Variants in MAST2 observed in about 807,000 individuals in gnomAD.
MAST2 encodes the protein microtubule-associated serine/threonine-protein kinase 2.
In MAST2, 70 loss-of-function variants were observed where a neutral mutation model predicts 147.4. The observed-to-expected ratio is 0.47, with a 90% confidence interval of 0.39 to 0.58. MAST2 has a LOEUF of 0.58. Ranked by LOEUF, MAST2 falls within the 20% of genes least tolerant of loss-of-function variation. The pLI is 0.00. For missense variants in MAST2, 2,080 were observed against 2,302.3 expected, an observed-to-expected ratio of 0.90 and a Z score of 1.98; for synonymous variants, 869 against 896.8, an observed-to-expected ratio of 0.97 and a Z score of 0.55.
intron 3 of MAST2, among the ~76,000 whole-genome samples, chr1:45,876,634 C>G (rs1646618747): frequency 1.3e-5 from 2 of 152,212 alleles, no homozygotes; most frequent in Admixed American, 6.5e-5. Flanking sequence ...TTCTCCCCAA[C>G]TTGCTGTGAA....
intron 4 of MAST2, among the ~76,000 whole-genome samples, chr1:45,920,419 TG>T (rs1653273624): frequency 6.6e-6 from 1 of 152,236 alleles, no homozygotes; most frequent in African/African-American, 2.4e-5. Context: ...TTCCTAGGCA[TG>T]CAGTCTTAGG....
At position 46,031,219 on chromosome 1, in the gene MAST2, C is replaced by A; in HGVS notation, c.2921C>A (p.Thr974Asn). The A allele has an allele frequency of 6.4e-7, 1 of 1,553,146 alleles. No homozygotes were observed. Among genetic ancestry groups the A allele is most frequent in the Non-Finnish European group, 8.7e-7 (1 of 1,146,830 alleles). ...GGAGAGGGGGTATCTGGGCCTGTCACTGAACACTCAGGGGAGCAGCGGCCA... is the reference window on the plus strand; with the variant it reads ...GGAGAGGGGGTATCTGGGCCTGTCAATGAACACTCAGGGGAGCAGCGGCCA... ...PSGEGVSGPVTEHSGEQRPKL... is the reference protein window; with the variant it reads ...PSGEGVSGPVNEHSGEQRPKL... Residue 974 changes from threonine to asparagine, a missense_variant, in exon 23 of 29, where the codon ACT (threonine) becomes AAT (asparagine). By Grantham distance (65) the Thr-to-Asn change is moderately conservative. Around this residue, in one of 4 missense-constraint regions of MAST2, gnomAD observed 1,278 missense variants for 1,304.2 expected, o/e 0.98. Transcript: ENST00000361297. The surrounding 1 kb of genome is among the most constrained non-coding windows in gnomAD (Gnocchi z 4.1).
chr1:45,871,895 A>G (rs1646408079), intron 3 of MAST2, among the ~76,000 whole-genome samples: 1 of 151,956 alleles, frequency 6.6e-6, no homozygotes, highest in African/African-American at 2.4e-5. Context: ...CCTTTTTTTC[A>G]TCATTGATTT....
intron 16 of MAST2, among the ~76,000 whole-genome samples, chr1:46,026,016 A>G (rs1342087215): frequency 1.3e-5 from 2 of 152,278 alleles, no homozygotes; most frequent in East Asian, 1.9e-4. Context: ...CTGGAACACT[A>G]TAAGGCTTCG....
At chr1:45,853,076 G>A (rs902099372) in intron 3 of MAST2, among the ~76,000 whole-genome samples, 11 of 151,850 alleles carry the variant, frequency 7.2e-5, no homozygotes, top group African/African-American at 2.4e-4. Context: ...GATTACAGTC[G>A]CCTACCACCA....
intron 6 of MAST2, among the ~76,000 whole-genome samples, chr1:46,001,261 C>G (rs1485370454): frequency 6.6e-6 from 1 of 152,204 alleles, no homozygotes; most frequent in African/African-American, 2.4e-5. Context: ...CAGCTTTGCA[C>G]AGTCAGATGA....
chr1:45,997,358 A>G (rs1645098826), intron 5 of MAST2, among the ~76,000 whole-genome samples: 1 of 152,174 alleles, frequency 6.6e-6, no homozygotes, highest in African/African-American at 2.4e-5. Context: ...GCCCTTTGAG[A>G]AAGTGTGAAC....
At chr1:45,829,722 T>G in intron 3 of MAST2, 141 bp downstream of exon 3, 1 of 943,582 alleles carries the variant, frequency 1.1e-6, no homozygotes, top group Non-Finnish European at 1.5e-6. Flanking sequence ...ATGAATTTAT[T>G]ATTATTTTTT....
At chr1:45,877,973 G>A (rs904147054) in intron 3 of MAST2, among the ~76,000 whole-genome samples, 1 of 152,140 alleles carries the variant, frequency 6.6e-6, no homozygotes, top group African/African-American at 2.4e-5. Flanking sequence ...AGAGACCAAG[G>A]CGGGTGGATC....
intron 3 of MAST2, among the ~76,000 whole-genome samples, chr1:45,873,118 G>A (rs983133106): frequency 1.3e-5 from 2 of 151,948 alleles, no homozygotes; most frequent in African/African-American, 4.8e-5. Flanking sequence ...TTAGAGAATA[G>A]CATCTTATCA....
At position 46,035,143 on chromosome 1, in the gene MAST2, C is replaced by T; in HGVS notation, c.4474C>T (p.Leu1492=). The change falls in exon 29 of 29, where the codon CTG becomes TTG. Residue 1492 remains leucine, a synonymous_variant. Transcript: ENST00000361297. The surrounding 1 kb of genome is among the most constrained non-coding windows in gnomAD (Gnocchi z 5.5). ...RQDRAERRES[L]QKQEAIREVD... ...GGACCGAGCCGAACGACGGGAGTCG[C>T]TGCAGAAGCAAGAAGCCATTCGTGA... 6.2e-7 allele frequency: 1 copy of T among 1,613,812 alleles called. No homozygotes were observed. Among genetic ancestry groups the T allele is most frequent in the Non-Finnish European group, 8.5e-7 (1 of 1,180,010 alleles).
At chr1:46,029,987 T>C (rs753858662) in intron 20 of MAST2, 34 bp downstream of exon 20, 5 of 1,612,870 alleles carry the variant, frequency 3.1e-6, no homozygotes, top group Non-Finnish European at 3.4e-6. Context: ...GGAGGATGGG[T>C]CCTACCTGTT....
intron 5 of MAST2, among the ~76,000 whole-genome samples, chr1:45,994,271 C>T (rs1365856720): frequency 2.4e-5 from 2 of 84,666 alleles, no homozygotes; most frequent in Admixed American, 1.3e-4. Context: ...AAGCCCTAAC[C>T]CTCTTTTTTT....
At chr1:45,805,316 G>T (rs1644109422) in intron 1 of MAST2, among the ~76,000 whole-genome samples, 1 of 152,162 alleles carries the variant, frequency 6.6e-6, no homozygotes, top group Non-Finnish European at 1.5e-5. Flanking sequence ...GAGCCAGTGT[G>T]CCCGGCCCTT....
At chr1:45,849,001 A>G (rs1645534255) in intron 3 of MAST2, among the ~76,000 whole-genome samples, 1 of 152,168 alleles carries the variant, frequency 6.6e-6, no homozygotes, top group African/African-American at 2.4e-5. Flanking sequence ...AAAAGAATAC[A>G]ATACCTAGGA....
At chr1:45,808,343 G>A (rs1358579018) in intron 1 of MAST2, among the ~76,000 whole-genome samples, 1 of 152,084 alleles carries the variant, frequency 6.6e-6, no homozygotes, top group African/African-American at 2.4e-5. Flanking sequence ...CGTTTCTCCT[G>A]TCTCAGCCTC....
intron 16 of MAST2, among the ~76,000 whole-genome samples, chr1:46,026,815 AAGAC>A (rs1293811105): frequency 2.0e-5 from 3 of 152,166 alleles, no homozygotes; most frequent in African/African-American, 4.8e-5. Flanking sequence ...GCTTTGACAT[AAGAC>A]AGACCTGAAT....
chr1:45,936,654 TAC>T (rs1491482480), intron 4 of MAST2, among the ~76,000 whole-genome samples: 2 of 152,102 alleles, frequency 1.3e-5, no homozygotes, highest in Non-Finnish European at 2.9e-5. Context: ...GGGTCTCCAA[TAC>T]CCCATGAAAG....
intron 4 of MAST2, among the ~76,000 whole-genome samples, chr1:45,926,675 C>T (rs1004082448): frequency 6.6e-6 from 1 of 152,066 alleles, no homozygotes; most frequent in African/African-American, 2.4e-5. Context: ...CCTCTTACAG[C>T]AGGGAAAGCG....
Sources: allele counts gnomAD v4.1 joint callset (sites outside exome capture counted in the v4.1 genomes callset), GRCh38; gene constraint gnomAD v4.1.1; regional missense constraint gnomAD v4.1.1; non-coding constraint Gnocchi (gnomAD v3.1); transcripts MANE v1.5; gene names NCBI Gene and HGNC (gene_info 2026-07-23, HGNC 2026-07-21).